RICTOR: variants seen among roughly 807,000 people sequenced by gnomAD.
The protein encoded by RICTOR is RPTOR independent companion of MTOR complex 2.
A neutral mutation model predicts 214.9 loss-of-function variants in RICTOR; 49 were observed. The observed-to-expected ratio is 0.23, with a 90% CI of 0.18 to 0.29. The LOEUF (loss-of-function observed/expected upper bound fraction) is 0.29, where lower values mean the gene tolerates loss of function less well. RICTOR is among the 10% of genes least tolerant of loss of function. The pLI is 1.00. For synonymous variants in RICTOR, 717 were observed against 711.3 expected (o/e 1.01, Z -0.13); for missense variants, 1,625 against 2,047.0 (o/e 0.79, Z 3.98).
chr5:38,975,428 G>GT lies in RICTOR; in HGVS notation c.889+108dup, dbSNP rs1464978523. ...TTTGGTTCTAATAATAATATACAAA[G>GT]TAAGACTAGATTAGCATCTGAATTA... On this transcript the variant is annotated intron_variant, in intron 10 of 37. Coordinates refer to ENST00000357387, the MANE Select transcript of RICTOR (RefSeq NM_152756.5). 100 of 740,330 alleles carry GT rather than the reference G, an allele frequency of 1.4e-4. 5 individuals carry two copies. The South Asian group carries it at 1.6e-3, about 12-fold the overall frequency. 45.9% of individuals were successfully genotyped at this position (740,330 alleles called of 1,614,324 possible). A position where few individuals can be genotyped will look rare whatever the true frequency, so the allele number is the denominator to read the frequency against.
intron 2 of RICTOR, among the ~76,000 whole-genome samples, chr5:39,030,793 A>C (rs767524878): frequency 3.0e-4 from 45 of 152,134 alleles, no homozygotes; most frequent in Non-Finnish European, 5.6e-4. Context: ...GTTGTTGCTA[A>C]CAGTACTCAG....
chr5:39,056,819 A>G (rs965197804), intron 2 of RICTOR, among the ~76,000 whole-genome samples: 1 of 152,176 alleles, frequency 6.6e-6, no homozygotes, highest in Non-Finnish European at 1.5e-5. Context: ...GAATATGATA[A>G]AAGTACAAAT....
At chr5:38,954,603 A>G (rs1749076630) in intron 27 of RICTOR, 171 bp downstream of exon 27, 1 of 539,442 alleles carries the variant, frequency 1.9e-6, no homozygotes. Context: ...TCTCAGGTTA[A>G]TAAATATAGA....
chr5:38,994,558 C>A (rs1296789885), intron 6 of RICTOR, among the ~76,000 whole-genome samples: 1 of 150,052 alleles, frequency 6.7e-6, no homozygotes, highest in African/African-American at 2.4e-5. Flanking sequence ...TTAGCATAAA[C>A]CAAGGAAAAG....
chr5:38,979,076 C>T (rs1751482233), intron 8 of RICTOR, among the ~76,000 whole-genome samples: 1 of 152,080 alleles, frequency 6.6e-6, no homozygotes, highest in Admixed American at 6.6e-5. Context: ...CCTTTTGTTG[C>T]TGGTATAAAG....
chr5:39,034,657 CAGG>C (rs1264039726), intron 2 of RICTOR, among the ~76,000 whole-genome samples: 1 of 152,230 alleles, frequency 6.6e-6, no homozygotes, highest in African/African-American at 2.4e-5. Context: ...AACGGCACAC[CAGG>C]AGATTATATC....
chr5:38,994,964 T>C (rs1262912794), intron 6 of RICTOR, among the ~76,000 whole-genome samples: 1 of 152,212 alleles, frequency 6.6e-6, no homozygotes, highest in African/African-American at 2.4e-5. Flanking sequence ...TTGTCCTTTT[T>C]ACTCTTATTT....
chr5:39,000,214 T>C (rs1321387473), intron 5 of RICTOR, among the ~76,000 whole-genome samples: 1 of 151,920 alleles, frequency 6.6e-6, no homozygotes, highest in Non-Finnish European at 1.5e-5. Flanking sequence ...GAGAGATCCA[T>C]TAATGAATTA....
chr5:38,992,556 A>G (rs1351831436), intron 6 of RICTOR, among the ~76,000 whole-genome samples: 4 of 152,180 alleles, frequency 2.6e-5, no homozygotes, highest in Non-Finnish European at 5.9e-5. Context: ...TGTAAAATGA[A>G]GATATGTATG....
chr5:39,008,578 A>G (rs75513875), intron 3 of RICTOR, among the ~76,000 whole-genome samples: 1,917 of 152,162 alleles, frequency 0.013, 19 homozygotes, highest in Middle Eastern at 0.027. Flanking sequence ...AAACAATTGA[A>G]CATTACCATC....
intron 3 of RICTOR, among the ~76,000 whole-genome samples, chr5:39,004,682 A>T (rs1246274095): frequency 1.3e-5 from 2 of 148,450 alleles, no homozygotes. Context: ...CTGGTCTCGA[A>T]CTCCTGACCT....
rs1465993974 is a variant in RICTOR at position 38,939,266 on chromosome 5, G to A, written c.*3038C>T. ...GTTGTGATATGCCCTGAAAAACTCA[G>A]CTTGAATTATCTCAAGCTCTAGATA... On this transcript the variant is annotated 3_prime_UTR_variant, in exon 38 of 38. Coordinates refer to ENST00000357387, the MANE Select transcript of RICTOR (RefSeq NM_152756.5). 3 of 232,546 alleles carry A rather than the reference G, an allele frequency of 1.3e-5. No individual in the cohort carries two copies. Among genetic ancestry groups the A allele is most frequent in the East Asian group, 6.1e-5 (1 of 16,394 alleles). 14.4% of individuals were successfully genotyped at this position (232,546 alleles called of 1,614,324 possible). A position where few individuals can be genotyped will look rare whatever the true frequency, so the allele number is the denominator to read the frequency against.
chr5:38,995,013 C>T lies in RICTOR; in HGVS notation c.456+1806G>A, dbSNP rs1753075601. On this transcript the variant is annotated intron_variant, in intron 6 of 37. Transcript: ENST00000357387. ...TACTAAAGTTTTCCGGGGGCTCCACCGCATGTGTTATCAAAACAGACTGAA... is the reference window on the plus strand; with the variant it reads ...TACTAAAGTTTTCCGGGGGCTCCACTGCATGTGTTATCAAAACAGACTGAA... Among the ~76,000 whole-genome samples, 3 of 152,100 alleles carry T rather than the reference C, an allele frequency of 2.0e-5. No individual in the cohort carries two copies. In the South Asian group the frequency reaches 6.2e-4, roughly 31 times the overall value.
rs1748554463 is a variant in RICTOR, at chr5:38,949,755, T to A, written c.4093A>T (p.Thr1365Ser). 1 of 1,613,262 alleles carries A rather than the reference T, an allele frequency of 6.2e-7. No homozygotes were observed. Residue 1365 changes from threonine to serine, a missense_variant, in exon 31 of 38, where the codon ACC becomes TCC. Physicochemically the swap from Thr to Ser is moderately conservative, Grantham distance 58. Around this residue, in one of 5 missense-constraint regions of RICTOR, gnomAD observed 1,214 missense variants for 1,470.5 expected, o/e 0.83. Transcript: ENST00000357387. ...GACTCAAAACTGTTGGCCTTCATGG[T>A]GATGGTATCAGTAAATAGCACATCT... The part of the protein sequence containing the change: ...AKDVLFTDTI[T>S]MKANSFESRL...
At chr5:39,002,382 T>TTGTGTGTG (rs112241926) in intron 5 of RICTOR, among the ~76,000 whole-genome samples, 153 bp downstream of exon 5, 1 of 146,962 alleles carries the variant, frequency 6.8e-6, no homozygotes, top group Admixed American at 6.8e-5. Flanking sequence ...TGTTACTTGG[T>TTGTGTGTG]TGTGTGTGTG....
intron 5 of RICTOR, 103 bp from the exon 6 acceptor site, chr5:38,996,985 T>C (rs1202641371): frequency 1.3e-6 from 1 of 759,784 alleles, no homozygotes; most frequent in Non-Finnish European, 2.3e-6. Context: ...GTCAATATGG[T>C]ATATTATTGT....
chr5:39,071,709 C>T (rs1305121188), intron 2 of RICTOR, among the ~76,000 whole-genome samples: 1 of 152,216 alleles, frequency 6.6e-6, no homozygotes, highest in Non-Finnish European at 1.5e-5. Flanking sequence ...TTTCACTACA[C>T]ATTGATGGAT....
chr5:38,944,466 A>G lies in RICTOR; in HGVS notation c.4893T>C (p.Cys1631=). The change falls in exon 36 of 38, where the codon TGT becomes TGC. Residue 1631 remains cysteine, a synonymous_variant. Coordinates refer to ENST00000357387, the MANE Select transcript of RICTOR (RefSeq NM_152756.5). ...CTCACGTTAAAAGCCCAGTCTCATG[A>G]CATTTAGTTGAAACTGAACTACTCA... is the stretch of plus-strand genomic sequence containing the variant. ...INLSSSVSTK[C]HETGLLTIKE... The G allele has an allele frequency of 6.2e-7, 1 of 1,609,002 alleles. No individual in the cohort carries two copies. Among genetic ancestry groups the G allele is most frequent in the Non-Finnish European group, 8.5e-7 (1 of 1,178,284 alleles).
chr5:38,966,098 A>G (rs892828964), intron 15 of RICTOR, among the ~76,000 whole-genome samples: 6 of 152,174 alleles, frequency 3.9e-5, no homozygotes, highest in Non-Finnish European at 5.9e-5. Context: ...AATCATGGTG[A>G]AAAGAAAAAC....
Sources: allele counts gnomAD v4.1 joint callset (sites outside exome capture counted in the v4.1 genomes callset), GRCh38; gene constraint gnomAD v4.1.1; regional missense constraint gnomAD v4.1.1; transcripts MANE v1.5; gene names NCBI Gene and HGNC (gene_info 2026-07-23, HGNC 2026-07-21).